The following SLC39A10 variants were observed in gnomAD, a reference collection of about 807,000 sequenced individuals.
The protein encoded by SLC39A10 is zinc transporter ZIP10.
In SLC39A10, 13 loss-of-function variants were observed where a neutral mutation model predicts 65.1. That is an observed-to-expected ratio of 0.20 (90% CI 0.13 to 0.32). SLC39A10 has a LOEUF of 0.32. Among genes scored for constraint, SLC39A10 ranks in the 10% least tolerant of loss-of-function variants. The pLI, the probability that SLC39A10 is intolerant of heterozygous loss-of-function variation, is 1.00. For synonymous variants in SLC39A10, 321 were observed against 342.2 expected, an observed-to-expected ratio of 0.94 and a Z score of 0.68; for missense variants, 831 against 1,018.4, an observed-to-expected ratio of 0.82 and a Z score of 2.50.
Position 195,720,958 on chromosome 2 carries a change from CT to C in SLC39A10, c.2146+2627del, listed in dbSNP as rs376849999. Among the ~76,000 whole-genome samples the C allele has an allele frequency of 3.1e-4, 47 of 152,130 alleles. 1 individual carries two copies. In the South Asian group the frequency reaches 7.5e-3, roughly 24 times the overall value. ...CTGGATTTTATATATTTTTTTCCCC[CT>C]GTAACAGGGTCTCCCTCTGTTGCCC... On this transcript the variant is annotated intron_variant, in intron 8 of 9. Coordinates refer to ENST00000359634, the MANE Select transcript of SLC39A10 (RefSeq NM_020342.3).
At position 195,679,943 on chromosome 2, in the gene SLC39A10, T is replaced by G. The variant is rs1238819605; in HGVS notation, c.-11-89T>G. On this transcript the variant is annotated intron_variant, in intron 1 of 9. Transcript: ENST00000359634. The stretch of plus-strand genomic sequence containing the variant: ...GAAGGAAATGGAGTAAAACTTTTTT[T>G]AGTGGATTGGCAACTTCCAGAGAAT... 4.4e-6 allele frequency: 5 copies of G among 1,124,140 alleles called. No individual in the cohort carries two copies. The African/African-American group carries it at 6.3e-5, about 14-fold the overall frequency. 69.6% of individuals were successfully genotyped at this position (1,124,140 alleles called of 1,614,324 possible).
At chr2:195,713,867 A>G (rs558695800) in intron 6 of SLC39A10, among the ~76,000 whole-genome samples, 1 of 152,310 alleles carries the variant, frequency 6.6e-6, no homozygotes, top group Admixed American at 6.5e-5. Context: ...TATAAAGATA[A>G]GAATTACACA....
At chr2:195,705,810 C>G (rs1691380699) in intron 3 of SLC39A10, among the ~76,000 whole-genome samples, 1 of 152,194 alleles carries the variant, frequency 6.6e-6, no homozygotes, top group South Asian at 2.1e-4. Flanking sequence ...TGTCCAGCCC[C>G]CAAACCACTG....
In SLC39A10 at chr2:195,725,784, T is replaced by A. The variant is rs182269120; in HGVS notation, c.2147-2375T>A. Among the ~76,000 whole-genome samples, 22 of 152,248 alleles carry A rather than the reference T, an allele frequency of 1.4e-4. No individual in the cohort carries two copies. In the East Asian group the frequency reaches 3.5e-3, roughly 24 times the overall value. On this transcript the variant is annotated intron_variant, in intron 8 of 9. Coordinates refer to ENST00000359634, the MANE Select transcript of SLC39A10 (RefSeq NM_020342.3). ...GAATATTACTGAGCAATAAAATAAT[T>A]TTCTGATATACACAGTAACACGAAT...
chr2:195,645,199 G>A (rs1372381642), intron 2 of SLC39A10, among the ~76,000 whole-genome samples: 3 of 151,734 alleles, frequency 2.0e-5, no homozygotes, highest in East Asian at 1.9e-4. Flanking sequence ...ATGAGCCACC[G>A]CGCCTGGCCA....
At chr2:195,675,024 G>C (rs978835282) in intron 1 of SLC39A10, among the ~76,000 whole-genome samples, 3 of 152,128 alleles carry the variant, frequency 2.0e-5, no homozygotes, top group South Asian at 4.1e-4. Flanking sequence ...GAAGGCCTGG[G>C]ACATTACTAT....
intron 2 of SLC39A10, among the ~76,000 whole-genome samples, chr2:195,632,694 C>T (rs905731560): frequency 2.0e-5 from 3 of 152,068 alleles, no homozygotes; most frequent in African/African-American, 4.8e-5. Flanking sequence ...GAGTCTAGAC[C>T]CATTTCTACC....
intron 3 of SLC39A10, among the ~76,000 whole-genome samples, chr2:195,686,559 A>C (rs1361332420): frequency 2.6e-5 from 4 of 152,194 alleles, no homozygotes; most frequent in Non-Finnish European, 4.4e-5. Flanking sequence ...AAAACAAAAC[A>C]AAACAAAAAC....
At chr2:195,718,546 A>T (rs1331553436) in intron 8 of SLC39A10, among the ~76,000 whole-genome samples, 1 of 152,162 alleles carries the variant, frequency 6.6e-6, no homozygotes, top group Non-Finnish European at 1.5e-5. Context: ...TTTCCTTTGC[A>T]TTCAATAACA....
At chr2:195,671,313 G>C (rs147297736) in intron 1 of SLC39A10, among the ~76,000 whole-genome samples, 3 of 152,238 alleles carry the variant, frequency 2.0e-5, no homozygotes, top group African/African-American at 7.2e-5. Context: ...TTTAACTGTG[G>C]TTATGTATTG....
rs3049425 is a variant in SLC39A10 at position 195,736,880 on chromosome 2, ATATC to A, written c.*1850_*1853del. 2 of 151,882 alleles carry A rather than the reference ATATC, an allele frequency of 1.3e-5. No homozygotes were observed. The highest frequency in any genetic ancestry group is 2.4e-5 in the African/African-American group (1 of 41,378). 9.4% of individuals were successfully genotyped at this position (151,882 alleles called of 1,614,324 possible). On this transcript the variant is annotated 3_prime_UTR_variant, in exon 10 of 10. Transcript: ENST00000359634. ...GTACTGCCAACTTCAAGTGATTTAGATATCTATCTATCTAGATTTCTGAACCAAG... is the reference window on the plus strand; with the variant it reads ...GTACTGCCAACTTCAAGTGATTTAGATATCTATCTAGATTTCTGAACCAAG...
intron 8 of SLC39A10, among the ~76,000 whole-genome samples, chr2:195,718,902 T>C (rs1691916305): frequency 6.6e-6 from 1 of 152,082 alleles, no homozygotes; most frequent in African/African-American, 2.4e-5. Flanking sequence ...TCTTATTTTA[T>C]GAAGTAAGAA....
chr2:195,670,862 ATG>A (rs538737367), intron 1 of SLC39A10, among the ~76,000 whole-genome samples: 4 of 152,332 alleles, frequency 2.6e-5, no homozygotes, highest in South Asian at 4.1e-4. Flanking sequence ...TCTAGAAATT[ATG>A]TGTTACTGAT....
At chr2:195,695,935 T>G (rs1388436680) in intron 3 of SLC39A10, among the ~76,000 whole-genome samples, 1 of 152,244 alleles carries the variant, frequency 6.6e-6, no homozygotes, top group East Asian at 1.9e-4. Context: ...AATTTAGGTA[T>G]TTGATTCATT....
chr2:195,626,245 G>C (rs1190872065), intron 2 of SLC39A10, among the ~76,000 whole-genome samples: 1 of 152,184 alleles, frequency 6.6e-6, no homozygotes, highest in Non-Finnish European at 1.5e-5. Context: ...TGCACTCTTA[G>C]TCTTGAGGAG....
At position 195,699,890 on chromosome 2, in the gene SLC39A10, C is replaced by T. The variant is rs559457717; in HGVS notation, c.1217-6726C>T. Among the ~76,000 whole-genome samples, 109 of 152,064 alleles carry T rather than the reference C, an allele frequency of 7.2e-4. 1 individual carries two copies. Among genetic ancestry groups the T allele is most frequent in the Non-Finnish European group, 1.0e-3 (70 of 67,966 alleles). On this transcript the variant is annotated intron_variant, in intron 3 of 9. Coordinates refer to ENST00000359634, the MANE Select transcript of SLC39A10 (RefSeq NM_020342.3). ...GTACTGAGGTCTCCAACTATTATCTCCCGTCAATTGTGACAGTTTTTGTTT... is the reference window on the plus strand; with the variant it reads ...GTACTGAGGTCTCCAACTATTATCTTCCGTCAATTGTGACAGTTTTTGTTT...
chr2:195,717,176 A>C, intron 7 of SLC39A10, 171 bp downstream of exon 7: 1 of 756,838 alleles, frequency 1.3e-6, no homozygotes, highest in Non-Finnish European at 2.0e-6. Flanking sequence ...GTAAGGGTAT[A>C]ATTTAGTGGG....
intron 8 of SLC39A10, among the ~76,000 whole-genome samples, chr2:195,723,884 T>C (rs963310453): frequency 6.6e-6 from 1 of 152,116 alleles, no homozygotes; most frequent in African/African-American, 2.4e-5. Flanking sequence ...GTAACAATCC[T>C]GCACATGTAC....
intron 2 of SLC39A10, among the ~76,000 whole-genome samples, chr2:195,614,407 G>A (rs1165587435): frequency 6.6e-6 from 1 of 152,002 alleles, no homozygotes; most frequent in African/African-American, 2.4e-5. Context: ...TTTGCATTCC[G>A]AGCCCTCCAC....
Sources: gnomAD v4.1 joint callset for allele counts (sites outside exome capture counted in the v4.1 genomes callset) on GRCh38, gnomAD v4.1.1 for gene constraint, MANE v1.5 for transcripts, NCBI Gene and HGNC (gene_info 2026-07-23, HGNC 2026-07-21) for gene names.